The following CCBE1 variants were observed in gnomAD, a reference collection of about 807,000 sequenced individuals.
CCBE1 encodes collagen and calcium-binding EGF domain-containing protein 1.
CCBE1 carries 37 observed loss-of-function variants against 50.0 expected under a neutral mutation model. That is an observed-to-expected ratio of 0.74 (90% CI 0.57 to 0.97). CCBE1 has a LOEUF of 0.97. Ranked by LOEUF, CCBE1 falls within the 50% of genes least tolerant of loss-of-function variation. The pLI is 0.00. For missense variants in CCBE1, 538 were observed against 523.8 expected, an observed-to-expected ratio of 1.03 and a Z score of -0.26; for synonymous variants, 234 against 203.7, an observed-to-expected ratio of 1.15 and a Z score of -1.27.
Position 59,496,779 on chromosome 18 carries a change from A to G in CCBE1, c.213-16541T>C, listed in dbSNP as rs368378322. The stretch of plus-strand genomic sequence containing the variant: ...TCCAGCTAAGCAGCCGACCTAGGAC[A>G]TTCATTTTGTATCCCTGCTGAGTGG... On this transcript the variant is annotated intron_variant, in intron 2 of 10. Transcript: ENST00000439986. Among the ~76,000 whole-genome samples the G allele has an allele frequency of 1.7e-3, 265 of 152,324 alleles. 2 individuals carry two copies. Among genetic ancestry groups the G allele is most frequent in the African/African-American group, 5.9e-3 (245 of 41,574 alleles).
At chr18:59,658,496 A>G (rs1568258755) in intron 2 of CCBE1, among the ~76,000 whole-genome samples, 1 of 139,568 alleles carries the variant, frequency 7.2e-6, no homozygotes, top group Non-Finnish European at 1.5e-5. Context: ...CTAGCCCAAG[A>G]GCTCAAGGCT....
intron 2 of CCBE1, among the ~76,000 whole-genome samples, chr18:59,553,325 A>G (rs947969839): frequency 2.0e-5 from 3 of 152,226 alleles, no homozygotes; most frequent in African/African-American, 7.2e-5. Context: ...CTTCAAAAGC[A>G]CAGGGGACAT....
At chr18:59,513,592 G>C (rs138552993) in intron 2 of CCBE1, among the ~76,000 whole-genome samples, 208 of 152,340 alleles carry the variant, frequency 1.4e-3, no homozygotes, top group African/African-American at 4.8e-3. Context: ...CATCAAGGAA[G>C]ACAGGGGTGA....
intron 2 of CCBE1, among the ~76,000 whole-genome samples, chr18:59,584,621 G>C (rs1050961715): frequency 4.6e-5 from 7 of 152,136 alleles, no homozygotes; most frequent in African/African-American, 1.4e-4. Context: ...TCTTGTGATA[G>C]AGTTCTTGCG....
rs1251874273 is a variant in CCBE1 at position 59,614,498 on chromosome 18, T to C, written c.212+82131A>G. ...TCTGGGTTGCCTTCCCGAGCTACTT[T>C]TGGAGGGCACTTTTCACTGGCTGTT... On this transcript the variant is annotated intron_variant, in intron 2 of 10. Transcript: ENST00000439986. Among the ~76,000 whole-genome samples the C allele has an allele frequency of 2.0e-5, 3 of 152,312 alleles. No individual in the cohort carries two copies. The South Asian group carries it at 6.2e-4, about 32-fold the overall frequency.
intron 2 of CCBE1, among the ~76,000 whole-genome samples, chr18:59,668,540 A>T (rs1456690988): frequency 6.6e-6 from 1 of 152,166 alleles, no homozygotes; most frequent in Non-Finnish European, 1.5e-5. Flanking sequence ...TTTTCATCTC[A>T]GAAAAATATT....
intron 2 of CCBE1, among the ~76,000 whole-genome samples, chr18:59,525,829 C>A (rs1914796787): frequency 6.6e-6 from 1 of 150,758 alleles, no homozygotes; most frequent in Non-Finnish European, 1.5e-5. Context: ...GTTCTCTGAA[C>A]ACCATTAATT....
intron 2 of CCBE1, among the ~76,000 whole-genome samples, chr18:59,593,445 T>C (rs564626095): frequency 1.1e-4 from 17 of 152,386 alleles, no homozygotes; most frequent in African/African-American, 4.1e-4. Context: ...ACTTTTGTAA[T>C]GCATTCCAGT....
chr18:59,439,424 G>T, intron 9 of CCBE1, 119 bp downstream of exon 9: 1 of 1,215,754 alleles, frequency 8.2e-7, no homozygotes, highest in African/African-American at 1.5e-5. Context: ...CCAAGATTGT[G>T]CCATTGCACT....
intron 2 of CCBE1, among the ~76,000 whole-genome samples, chr18:59,581,908 T>A (rs1354432455): frequency 6.6e-6 from 1 of 152,148 alleles, no homozygotes; most frequent in African/African-American, 2.4e-5. Flanking sequence ...ACAGCAGCAG[T>A]TCCATTTAGT....
At chr18:59,468,535 C>G (rs1265234131) in intron 4 of CCBE1, among the ~76,000 whole-genome samples, 3 of 152,168 alleles carry the variant, frequency 2.0e-5, no homozygotes, top group Admixed American at 2.0e-4. Context: ...GAGTCACAAT[C>G]CCATTGTCTG....
At chr18:59,611,334 C>T (rs536135121) in intron 2 of CCBE1, among the ~76,000 whole-genome samples, 1 of 152,336 alleles carries the variant, frequency 6.6e-6, no homozygotes, top group South Asian at 2.1e-4. Context: ...TCTTTATGAG[C>T]CACTGAGCAC....
At chr18:59,472,788 A>T (rs1193525993) in intron 3 of CCBE1, among the ~76,000 whole-genome samples, 1 of 152,240 alleles carries the variant, frequency 6.6e-6, no homozygotes, top group South Asian at 2.1e-4. Flanking sequence ...GAGACTAGGT[A>T]ATTTATAAAG....
chr18:59,680,480 C>T (rs1053098705), intron 2 of CCBE1, among the ~76,000 whole-genome samples: 2 of 151,884 alleles, frequency 1.3e-5, no homozygotes, highest in East Asian at 1.9e-4. Context: ...GGGAGGATCA[C>T]GAGGTCAGGA....
intron 2 of CCBE1, among the ~76,000 whole-genome samples, chr18:59,546,850 T>C (rs994165535): frequency 6.6e-6 from 1 of 152,130 alleles, no homozygotes; most frequent in Non-Finnish European, 1.5e-5. Flanking sequence ...CTTTGAGTTA[T>C]CCATAGCAAT....
chr18:59,601,541 CT>C, intron 2 of CCBE1, among the ~76,000 whole-genome samples: 1 of 152,146 alleles, frequency 6.6e-6, no homozygotes, highest in African/African-American at 2.4e-5. Flanking sequence ...AAATTACCCA[CT>C]CTCATGTATG....
chr18:59,439,711 A>C lies in CCBE1; in HGVS notation c.881T>G (p.Leu294Arg), dbSNP rs770274232. 1 of 1,614,272 alleles carries C rather than the reference A, an allele frequency of 6.2e-7. No individual in the cohort carries two copies. Among genetic ancestry groups the C allele is most frequent in the Non-Finnish European group, 8.5e-7 (1 of 1,180,046 alleles). ...SMGPMGPSPD[L>R]SHIKQGRRGP... Reference sequence around the variant, plus strand: ...CCTCCGGCCTTGCTTAATGTGGGACAGATCAGGAGATGGTCCCATGGGTCC... The same window carrying C: ...CCTCCGGCCTTGCTTAATGTGGGACCGATCAGGAGATGGTCCCATGGGTCC... The change falls in exon 8 of 11, where the codon CTG (leucine) becomes CGG (arginine). Residue 294 changes from leucine (L) to arginine (R), a missense_variant. By Grantham distance (102) the Leu-to-Arg change is moderately radical. Transcript: ENST00000439986.
chr18:59,489,385 A>G (rs548585361), intron 2 of CCBE1, among the ~76,000 whole-genome samples: 30 of 152,188 alleles, frequency 2.0e-4, no homozygotes, highest in African/African-American at 7.0e-4. Context: ...GAACCCTGGA[A>G]TGATTAACTT....
chr18:59,577,814 A>G (rs139885575), intron 2 of CCBE1, among the ~76,000 whole-genome samples: 84 of 152,330 alleles, frequency 5.5e-4, no homozygotes, highest in Middle Eastern at 3.4e-3. Flanking sequence ...AATAGCTTCA[A>G]TAGAAGATGC....
Sources: gnomAD v4.1 joint callset for allele counts (sites outside exome capture counted in the v4.1 genomes callset) on GRCh38, gnomAD v4.1.1 for gene constraint, MANE v1.5 for transcripts, NCBI Gene and HGNC (gene_info 2026-07-23, HGNC 2026-07-21) for gene names.